Variants in MAML3 observed in about 807,000 individuals in gnomAD.
MAML3 encodes the protein mastermind-like protein 3.
A neutral mutation model predicts 101.9 loss-of-function variants in MAML3; 27 were observed. That is an observed-to-expected ratio of 0.27 (90% confidence interval 0.20 to 0.37). The LOEUF is 0.37. Ranked by LOEUF, MAML3 falls within the 10% of genes least tolerant of loss-of-function variation. The probability of loss-of-function intolerance (pLI) is 1.00; values close to 1 mark genes in which losing one functional copy is unlikely to be tolerated. For synonymous variants in MAML3, 501 were observed against 555.9 expected (o/e 0.90, Z 1.39); for missense variants, 1,316 against 1,444.9 (o/e 0.91, Z 1.45).
intron 1 of MAML3, among the ~76,000 whole-genome samples, chr4:140,019,098 T>C (rs1412983175): frequency 6.9e-6 from 1 of 144,388 alleles, no homozygotes; most frequent in Non-Finnish European, 1.5e-5. Context: ...ACTAATCTTT[T>C]AGGTTAACTC....
chr4:139,987,405 A>C (rs1214601286), intron 1 of MAML3, among the ~76,000 whole-genome samples: 3 of 152,118 alleles, frequency 2.0e-5, no homozygotes, highest in Non-Finnish European at 2.9e-5. Flanking sequence ...TTATGATGTC[A>C]CTTCTCATCT....
At chr4:139,986,928 TG>T (rs1371856515) in intron 1 of MAML3, among the ~76,000 whole-genome samples, 1 of 152,202 alleles carries the variant, frequency 6.6e-6, no homozygotes, top group East Asian at 1.9e-4. Flanking sequence ...GCTGTGTGCT[TG>T]CCCTGAATAT....
At chr4:140,137,058 G>A (rs921211262) in intron 1 of MAML3, among the ~76,000 whole-genome samples, 100 of 152,314 alleles carry the variant, frequency 6.6e-4, no homozygotes, top group African/African-American at 2.2e-3. Context: ...GCGCTATCTC[G>A]GCTCACTGCA....
At chr4:140,022,823 G>T (rs1419533153) in intron 1 of MAML3, among the ~76,000 whole-genome samples, 1 of 152,076 alleles carries the variant, frequency 6.6e-6, no homozygotes, top group Non-Finnish European at 1.5e-5. Flanking sequence ...CTCAATAGAA[G>T]AATGTATAAC....
chr4:139,789,502 G>A (rs950813285), intron 2 of MAML3, among the ~76,000 whole-genome samples: 5 of 152,182 alleles, frequency 3.3e-5, no homozygotes, highest in African/African-American at 1.2e-4. Context: ...GGTTGAGTCC[G>A]TGTGTAGGAG....
intron 1 of MAML3, among the ~76,000 whole-genome samples, chr4:139,978,187 A>T (rs1272809200): frequency 6.6e-6 from 1 of 152,130 alleles, no homozygotes; most frequent in African/African-American, 2.4e-5. Context: ...GAGCCCAAGA[A>T]GGTTACAAAA....
At chr4:140,118,396 A>G (rs1383690070) in intron 1 of MAML3, among the ~76,000 whole-genome samples, 1 of 152,198 alleles carries the variant, frequency 6.6e-6, no homozygotes, top group Non-Finnish European at 1.5e-5. Context: ...AATGCTTAGT[A>G]CAGTGTAGTA....
At chr4:140,149,935 CTTTCTTTTTT>C (rs2111065764) in intron 1 of MAML3, among the ~76,000 whole-genome samples, 1 of 50,118 alleles carries the variant, frequency 2.0e-5, no homozygotes, top group African/African-American at 6.5e-5. Context: ...GAGCATGTTT[CTTTCTTTTTT>C]TTTTTTTTTT....
intron 2 of MAML3, among the ~76,000 whole-genome samples, chr4:139,833,751 G>A (rs900777125): frequency 2.0e-5 from 3 of 152,158 alleles, no homozygotes; most frequent in African/African-American, 7.2e-5. Context: ...AGGGGTTGTG[G>A]CTTGGGGATA....
rs566128946 is a variant in MAML3 at position 139,718,985 on chromosome 4, C to T, written c.*338G>A. 1.3e-3 allele frequency: 340 copies of T among 255,332 alleles called. 2 individuals are homozygous for T. The highest frequency in any genetic ancestry group is 7.3e-3 in the South Asian group (100 of 13,706). The allele number at this position is 255,332 out of a possible 1,614,324, so 15.8% of individuals were successfully genotyped here. A position where few individuals can be genotyped will look rare whatever the true frequency, so the allele number is the denominator to read the frequency against. The stretch of plus-strand genomic sequence containing the variant: ...ACCTCTCTTGGGTAATAGTCCCTCT[C>T]GGCTGAAGCAGCTCCTGCTGGGCCA... On this transcript the variant is annotated 3_prime_UTR_variant, in exon 5 of 5. Transcript: ENST00000509479.
intron 1 of MAML3, among the ~76,000 whole-genome samples, chr4:140,087,685 T>A (rs939956706): frequency 1.3e-5 from 2 of 152,208 alleles, no homozygotes; most frequent in Non-Finnish European, 2.9e-5. Context: ...TCTTAATATA[T>A]GTTCTTTCAG....
rs1730262955 is a variant in MAML3, at chr4:139,784,065, G to A, written c.2080-53398C>T. On this transcript the variant is annotated intron_variant, in intron 2 of 4. Coordinates refer to ENST00000509479, the MANE Select transcript of MAML3 (RefSeq NM_018717.5). Reference sequence around the variant, plus strand: ...CATATGTTTACCTTCCTGAGCATCCGCACACAACAGCTTTCTCTGATGCAA... The same window carrying A: ...CATATGTTTACCTTCCTGAGCATCCACACACAACAGCTTTCTCTGATGCAA... Among the ~76,000 whole-genome samples the A allele has an allele frequency of 5.9e-5, 9 of 152,138 alleles. No individual in the cohort carries two copies. In the South Asian group the frequency reaches 1.7e-3, roughly 28 times the overall value.
At chr4:139,965,824 G>A (rs1734119627) in intron 1 of MAML3, among the ~76,000 whole-genome samples, 1 of 151,992 alleles carries the variant, frequency 6.6e-6, no homozygotes, top group Non-Finnish European at 1.5e-5. Context: ...GAACCCCTGG[G>A]CTCAAGGGAT....
intron 1 of MAML3, among the ~76,000 whole-genome samples, chr4:140,110,113 C>T (rs1215035742): frequency 6.6e-6 from 1 of 152,210 alleles, no homozygotes; most frequent in African/African-American, 2.4e-5. Context: ...ACGAATGCAC[C>T]AGCCAGCAAG....
chr4:139,985,865 T>A (rs957436322), intron 1 of MAML3, among the ~76,000 whole-genome samples: 1 of 152,228 alleles, frequency 6.6e-6, no homozygotes, highest in Non-Finnish European at 1.5e-5. Context: ...GAGACCCTAA[T>A]AGCAATTTCA....
At position 139,876,734 on chromosome 4, in the gene MAML3, C is replaced by A. The variant is rs138166886; in HGVS notation, c.2079+12623G>T. ...ATGGCTGTGCAGTTTGTGCCTGGCACAACAGTGTCCAGCAGAGGGTACACA... is the reference window on the plus strand; with the variant it reads ...ATGGCTGTGCAGTTTGTGCCTGGCAAAACAGTGTCCAGCAGAGGGTACACA... On this transcript the variant is annotated intron_variant, in intron 2 of 4. Transcript: ENST00000509479. 2.3e-3 allele frequency among the ~76,000 whole-genome samples: 352 copies of A among 152,332 alleles called. 2 individuals carry two copies. Among genetic ancestry groups the A allele is most frequent in the African/African-American group, 8.1e-3 (335 of 41,572 alleles).
At chr4:139,761,788 G>T (rs1729764885) in intron 2 of MAML3, among the ~76,000 whole-genome samples, 1 of 152,194 alleles carries the variant, frequency 6.6e-6, no homozygotes, top group Non-Finnish European at 1.5e-5. Flanking sequence ...AATCACAAAA[G>T]AAGCTCAACT....
intron 2 of MAML3, among the ~76,000 whole-genome samples, chr4:139,823,867 T>C (rs1731016460): frequency 6.6e-6 from 1 of 151,470 alleles, no homozygotes; most frequent in Non-Finnish European, 1.5e-5. Context: ...AATGAATGTT[T>C]ATCAGCCATT....
intron 1 of MAML3, among the ~76,000 whole-genome samples, chr4:140,052,092 G>A (rs1453295765): frequency 1.3e-5 from 2 of 151,940 alleles, no homozygotes; most frequent in Non-Finnish European, 2.9e-5. Flanking sequence ...ATGGGTTAAG[G>A]AAAAAAATGA....
Sources: allele counts gnomAD v4.1 joint callset (sites outside exome capture counted in the v4.1 genomes callset), GRCh38; gene constraint gnomAD v4.1.1; transcripts MANE v1.5; gene names NCBI Gene and HGNC (gene_info 2026-07-23, HGNC 2026-07-21).